The following WRAP53 variants were observed in gnomAD, a reference collection of about 807,000 sequenced individuals.
WRAP53 encodes the protein telomerase Cajal body protein 1.
In WRAP53, 28 loss-of-function variants were observed where a neutral mutation model predicts 56.6. The observed-to-expected ratio is 0.50, with a 90% CI of 0.37 to 0.68. WRAP53 has a LOEUF of 0.68. Ranked by LOEUF, WRAP53 falls within the 30% of genes least tolerant of loss-of-function variation. The pLI, the probability that WRAP53 is intolerant of heterozygous loss-of-function variation, is 0.00. For missense variants in WRAP53, 671 were observed against 715.5 expected (o/e 0.94, Z 0.71); for synonymous variants, 283 against 283.4 (o/e 1.00, Z 0.01).
At chr17:7,686,561 C>A (rs1434152935), upstream of WRAP53, 1 of 152,264 alleles carries the variant, frequency 6.6e-6, no homozygotes, top group Non-Finnish European at 1.5e-5. Context: ...TAGCAGCCTC[C>A]CTCTGCCAAG....
intron 2 of WRAP53, 56 bp downstream of exon 2, chr17:7,689,135 T>TCGA: frequency 6.2e-7 from 1 of 1,613,642 alleles, no homozygotes; most frequent in Non-Finnish European, 8.5e-7. Context: ...GTGAGGTCGA[T>TCGA]CTGTCCTCTG....
chr17:7,700,901 G>A, intron 5 of WRAP53, 72 bp downstream of exon 5: 1 of 1,113,310 alleles, frequency 9.0e-7, no homozygotes, highest in Non-Finnish European at 1.4e-6. Flanking sequence ...GGAGAGTCAA[G>A]GGCTGCCAGG....
chr17:7,688,755 C>A lies in WRAP53; in HGVS notation c.107C>A (p.Ala36Glu), dbSNP rs1358040970. The A allele has an allele frequency of 3.7e-6, 6 of 1,614,142 alleles. No homozygotes were observed. The highest frequency in any genetic ancestry group is 1.7e-5 in the Admixed American group (1 of 59,994). ...CACGCTTCCCCGATGAATAAAAATG[C>A]GGACTCTGAACTGATGCCACCGCCT... is the stretch of plus-strand genomic sequence containing the variant. ...SPHASPMNKN[A>E]DSELMPPPPE... Residue 36 changes from alanine (A) to glutamate (E), a missense_variant, in exon 2 of 11, where the codon GCG (alanine) becomes GAG (glutamate). Ala to Glu is a moderately radical substitution (Grantham distance 107). Transcript: ENST00000396463.
Position 7,702,265 on chromosome 17 carries a change from C to A in WRAP53, c.956-79C>A. ...GAGTCCAAGCATGTTGGTGCTGGGA[C>A]GGGAGACAGACCTCTGCTTAGCCTG... On this transcript the variant is annotated intron_variant, in intron 7 of 10. Transcript: ENST00000396463. This position sits in a 1 kb window ranked among gnomAD's most constrained non-coding sequence, Gnocchi z 5.0. 2 of 1,487,724 alleles carry A rather than the reference C, an allele frequency of 1.3e-6. No individual in the cohort carries two copies. The highest frequency in any genetic ancestry group is 1.9e-6 in the Non-Finnish European group (2 of 1,066,760). 92.2% of individuals were successfully genotyped at this position (1,487,724 alleles called of 1,614,324 possible).
chr17:7,692,348 G>A (rs951800722), intron 4 of WRAP53, among the ~76,000 whole-genome samples: 6 of 151,666 alleles, frequency 4.0e-5, no homozygotes, highest in South Asian at 2.1e-4. Flanking sequence ...GGCTGGGTGC[G>A]GTGGCTGACT....
At chr17:7,689,861 T>C (rs2151086350) in intron 4 of WRAP53, among the ~76,000 whole-genome samples, 160 bp downstream of exon 4, 1 of 152,326 alleles carries the variant, frequency 6.6e-6, no homozygotes, top group East Asian at 1.9e-4. Context: ...TCTGAAGTTA[T>C]TTAGAGAGAG....
chr17:7,699,522 T>TTTATATATATATATATATATATA (rs1429418083), intron 4 of WRAP53, among the ~76,000 whole-genome samples: 3 of 14,110 alleles, frequency 2.1e-4, no homozygotes, highest in African/African-American at 7.0e-4. Flanking sequence ...ATATATATAT[T>TTTATATATATATATATATATATA]TATATATATA....
At position 7,701,718 on chromosome 17, in the gene WRAP53, G is replaced by A; in HGVS notation, c.884G>A (p.Gly295Asp). ...CCGGATGGCTCCCAGCTCTTCTGTG[G>A]CTTCAACCGGACTGTGCGTGTTTTT... ...FSPDGSQLFC[G>D]FNRTVRVFST... The change falls in exon 7 of 11, where the codon GGC (glycine) becomes GAC (aspartate). Residue 295 changes from glycine to aspartate, a missense_variant. Gly to Asp is a moderately conservative substitution (Grantham distance 94). Around this residue, in one of 3 missense-constraint regions of WRAP53, gnomAD observed 406 missense variants for 418.5 expected, o/e 0.97. Coordinates refer to ENST00000396463, the MANE Select transcript of WRAP53 (RefSeq NM_001143992.2). This position sits in a 1 kb window ranked among gnomAD's most constrained non-coding sequence, Gnocchi z 4.2. The A allele has an allele frequency of 6.2e-7, 1 of 1,614,214 alleles. No individual in the cohort carries two copies. The highest frequency in any genetic ancestry group is 1.1e-5 in the South Asian group (1 of 91,084).
intron 4 of WRAP53, among the ~76,000 whole-genome samples, chr17:7,692,944 G>A (rs2074133195): frequency 2.0e-5 from 3 of 151,180 alleles, no homozygotes; most frequent in Admixed American, 6.6e-5. Context: ...TAGTAGAGAC[G>A]GGGTTTCACC....
chr17:7,700,367 C>A (rs972899639), intron 4 of WRAP53, among the ~76,000 whole-genome samples: 2 of 151,572 alleles, frequency 1.3e-5, no homozygotes, highest in Non-Finnish European at 2.9e-5. Context: ...GTATAAGGCC[C>A]GGCACGGTGG....
chr17:7,687,969 G>A (rs2074036937), upstream of WRAP53: 1 of 198,572 alleles, frequency 5.0e-6, no homozygotes, highest in African/African-American at 2.3e-5. Context: ...ACTCTGATAA[G>A]ATTTATTTGT....
intron 4 of WRAP53, among the ~76,000 whole-genome samples, chr17:7,690,075 A>G (rs2074088849): frequency 6.6e-6 from 1 of 152,134 alleles, no homozygotes; most frequent in South Asian, 2.1e-4. Flanking sequence ...CAGCCTCACA[A>G]GTAGCTGGTA....
chr17:7,689,700 T>C lies in WRAP53; in HGVS notation c.641T>C (p.Met214Thr). 2.5e-6 allele frequency: 4 copies of C among 1,611,716 alleles called. No individual in the cohort carries two copies. The highest frequency in any genetic ancestry group is 2.5e-6 in the Non-Finnish European group (3 of 1,177,868). Residue 214 changes from methionine to threonine, a missense_variant and splice_region_variant, in exon 4 of 11, where the codon ATG (methionine) becomes ACG (threonine). Around this residue, in one of 3 missense-constraint regions of WRAP53, gnomAD observed 406 missense variants for 418.5 expected, o/e 0.97. Coordinates refer to ENST00000396463, the MANE Select transcript of WRAP53 (RefSeq NM_001143992.2). ...GGGGAGCAGGTGGAATATGCAGAAA[T>C]GGTAAGGACTGGGGCTAACTGCCTC... ...HEGEQVEYAE[M>T]VPVLRMVEGD... is the part of the protein sequence containing the mutation.
chr17:7,699,502 T>TATATTTATA (rs1567577549), intron 4 of WRAP53, among the ~76,000 whole-genome samples: 2 of 11,764 alleles, frequency 1.7e-4, no homozygotes, highest in African/African-American at 4.8e-4. Flanking sequence ...ATATATATAT[T>TATATTTATA]TATATATATA....
intron 4 of WRAP53, among the ~76,000 whole-genome samples, chr17:7,694,621 G>A (rs7223712): frequency 0.054 from 8,278 of 152,176 alleles, 516 homozygotes; most frequent in African/African-American, 0.16. Context: ...GGAGACCAAG[G>A]TGGGAGGAAT....
chr17:7,689,284 C>G lies in WRAP53; in HGVS notation c.492C>G (p.Phe164Leu). 6.2e-7 allele frequency: 1 copy of G among 1,614,054 alleles called. No individual in the cohort carries two copies. Among genetic ancestry groups the G allele is most frequent in the Non-Finnish European group, 8.5e-7 (1 of 1,180,008 alleles). Reference protein sequence around the residue: ...PRFLSGSWSEFSTQPENFLKG... With the variant: ...PRFLSGSWSELSTQPENFLKG... ...TTCTCAGTGGTTCCTGGTCAGAGTT[C>G]AGCACCCAACCTGAGAACTTCTTGA... The change falls in exon 3 of 11, where the codon TTC becomes TTG. Residue 164 changes from phenylalanine (F) to leucine (L), a missense_variant. This residue lies in a region of WRAP53 where 406 missense variants were observed against 418.5 expected (regional missense o/e 0.97). Transcript: ENST00000396463.
intron 4 of WRAP53, among the ~76,000 whole-genome samples, chr17:7,693,940 G>T (rs901069802): frequency 6.6e-6 from 1 of 152,038 alleles, no homozygotes; most frequent in Non-Finnish European, 1.5e-5. Flanking sequence ...GTAAGGAACT[G>T]GACTGTAAAT....
At position 7,689,284 on chromosome 17, in the gene WRAP53, C is replaced by A. The variant is rs281865547; in HGVS notation, c.492C>A (p.Phe164Leu). Residue 164 changes from phenylalanine (F) to leucine (L), a missense_variant, in exon 3 of 11, where the codon TTC (phenylalanine) becomes TTA (leucine). Transcript: ENST00000396463. The part of the protein sequence containing the change: ...PRFLSGSWSE[F>L]STQPENFLKG... The stretch of plus-strand genomic sequence containing the variant: ...TTCTCAGTGGTTCCTGGTCAGAGTT[C>A]AGCACCCAACCTGAGAACTTCTTGA... 20 of 1,614,054 alleles carry A rather than the reference C, an allele frequency of 1.2e-5. No homozygotes were observed. The highest frequency in any genetic ancestry group is 1.7e-5 in the Non-Finnish European group (20 of 1,180,008).
At chr17:7,699,492 A>ATATATTTT (rs2074238797) in intron 4 of WRAP53, among the ~76,000 whole-genome samples, 1 of 13,614 alleles carries the variant, frequency 7.3e-5, no homozygotes, top group Non-Finnish European at 1.2e-4. Flanking sequence ...ATATATATAT[A>ATATATTTT]TATATATATT....
Sources: allele counts gnomAD v4.1 joint callset (sites outside exome capture counted in the v4.1 genomes callset), GRCh38; gene constraint gnomAD v4.1.1; regional missense constraint gnomAD v4.1.1; non-coding constraint Gnocchi (gnomAD v3.1); transcripts MANE v1.5; gene names NCBI Gene and HGNC (gene_info 2026-07-23, HGNC 2026-07-21).